The following NUP35 variants were observed in gnomAD, a reference collection of about 807,000 sequenced individuals.
NUP35 encodes nucleoporin NUP35.
In NUP35, 25 loss-of-function variants were observed where a neutral mutation model predicts 41.5. That is an observed-to-expected ratio of 0.60 (90% CI 0.44 to 0.84). The LOEUF (loss-of-function observed/expected upper bound fraction) is 0.84, where lower values mean the gene tolerates loss of function less well. Ranked by LOEUF, NUP35 falls within the 40% of genes least tolerant of loss-of-function variation. The pLI, the probability that NUP35 is intolerant of heterozygous loss-of-function variation, is 0.00. For missense variants in NUP35, 396 were observed against 396.6 expected (o/e 1.00, Z 0.01); for synonymous variants, 149 against 130.7 (o/e 1.14, Z -0.96).
intron 7 of NUP35, 124 bp downstream of exon 7, chr2:183,158,535 G>T: frequency 1.2e-6 from 1 of 857,388 alleles, no homozygotes; most frequent in Non-Finnish European, 1.7e-6. Context: ...TGTAAAATGT[G>T]ATGATGTTTA....
chr2:183,159,440 A>T, intron 7 of NUP35, 48 bp from the exon 8 acceptor site: 1 of 1,403,886 alleles, frequency 7.1e-7, no homozygotes, highest in Non-Finnish European at 9.9e-7. Flanking sequence ...ATACTGGATG[A>T]TATGTATTAT....
At chr2:183,133,664 G>C (rs750994494) in intron 4 of NUP35, 41 bp downstream of exon 4, 18 of 1,459,868 alleles carry the variant, frequency 1.2e-5, no homozygotes, top group Admixed American at 2.3e-5. Flanking sequence ...TTAAAAGACA[G>C]GGTCTGGCTC....
chr2:183,135,260 A>C (rs923233233), intron 4 of NUP35, among the ~76,000 whole-genome samples: 4 of 152,190 alleles, frequency 2.6e-5, no homozygotes, highest in African/African-American at 9.7e-5. Flanking sequence ...TCCACCTACC[A>C]CTGATAGTTA....
intron 1 of NUP35, among the ~76,000 whole-genome samples, chr2:183,118,176 G>A (rs573405285): frequency 1.2e-4 from 18 of 152,304 alleles, no homozygotes; most frequent in African/African-American, 4.3e-4. Flanking sequence ...GTCCTGGGAG[G>A]AAGGAATTCA....
At chr2:183,121,098 G>A (rs1700060529), upstream of NUP35, among the ~76,000 whole-genome samples, 1 of 152,052 alleles carries the variant, frequency 6.6e-6, no homozygotes, top group Non-Finnish European at 1.5e-5. Flanking sequence ...ATGAGAAATA[G>A]GAAGTGTAGC....
At chr2:183,125,229 A>G (rs1265023461) in intron 1 of NUP35, among the ~76,000 whole-genome samples, 1 of 150,692 alleles carries the variant, frequency 6.6e-6, no homozygotes, top group East Asian at 1.9e-4. Context: ...CCTCGTTGAA[A>G]TATGTCGTCT....
intron 5 of NUP35, 122 bp from the exon 6 acceptor site, chr2:183,157,322 C>T (rs1685699932): frequency 1.3e-6 from 1 of 761,934 alleles, no homozygotes; most frequent in Non-Finnish European, 2.3e-6. Context: ...GGATGATCAG[C>T]ACTCTCCTGT....
At chr2:183,120,700 T>A (rs889419285), upstream of NUP35, among the ~76,000 whole-genome samples, 1 of 152,212 alleles carries the variant, frequency 6.6e-6, no homozygotes, top group Non-Finnish European at 1.5e-5. Context: ...AGAAATCAAA[T>A]ACAAATCCAA....
At chr2:183,130,772 G>A (rs1220482273) in intron 3 of NUP35, among the ~76,000 whole-genome samples, 1 of 152,164 alleles carries the variant, frequency 6.6e-6, no homozygotes, top group Non-Finnish European at 1.5e-5. Context: ...ATTCTCAGGT[G>A]TTTATAGGTA....
intron 3 of NUP35, chr2:183,130,923 T>C: frequency 9.1e-7 from 1 of 1,096,148 alleles, no homozygotes; most frequent in Non-Finnish European, 1.1e-6. Context: ...AAATTTAGAG[T>C]TTCATCTAGA....
At chr2:183,123,908 A>T, upstream of NUP35, 1 of 722,738 alleles carries the variant, frequency 1.4e-6, no homozygotes, top group Non-Finnish European at 1.7e-6. Flanking sequence ...AATATGCAAC[A>T]AAACGGCGTA....
chr2:183,120,370 C>T (rs560126278), upstream of NUP35, among the ~76,000 whole-genome samples: 18 of 147,812 alleles, frequency 1.2e-4, no homozygotes, highest in Admixed American at 3.4e-4. Context: ...TTCTTGAACA[C>T]GGGAGGCAGA....
At chr2:183,121,212 A>C (rs1253325583), upstream of NUP35, among the ~76,000 whole-genome samples, 1 of 152,224 alleles carries the variant, frequency 6.6e-6, no homozygotes, top group African/African-American at 2.4e-5. Flanking sequence ...ATTAGAAAAA[A>C]AAAATAGTTG....
chr2:183,151,095 A>G (rs867502150), intron 4 of NUP35, among the ~76,000 whole-genome samples: 2 of 152,238 alleles, frequency 1.3e-5, no homozygotes, highest in Admixed American at 6.5e-5. Context: ...TTGCAACTGT[A>G]TAGCTGAGGC....
intron 1 of NUP35, among the ~76,000 whole-genome samples, chr2:183,128,069 C>A (rs1455588496): frequency 2.2e-5 from 3 of 136,960 alleles, no homozygotes; most frequent in Non-Finnish European, 4.7e-5. Flanking sequence ...GAGACTCGGA[C>A]TCAGAAAAAA....
rs1465958807 is a variant in NUP35, at chr2:183,143,336, G to A, written c.398-8172G>A. Reference sequence around the variant, plus strand: ...GGTGAGCAAATATTTATCAAATGAGGCACTAAAAGCTATTTGGAATAAGTG... The same window carrying A: ...GGTGAGCAAATATTTATCAAATGAGACACTAAAAGCTATTTGGAATAAGTG... On this transcript the variant is annotated intron_variant, in intron 4 of 8. Coordinates refer to ENST00000295119, the MANE Select transcript of NUP35 (RefSeq NM_138285.5). 2.6e-5 allele frequency among the ~76,000 whole-genome samples: 4 copies of A among 151,592 alleles called. No homozygotes were observed. In the East Asian group the frequency reaches 7.7e-4, roughly 29 times the overall value.
At chr2:183,146,492 A>G (rs1685281891) in intron 4 of NUP35, among the ~76,000 whole-genome samples, 1 of 152,234 alleles carries the variant, frequency 6.6e-6, no homozygotes, top group Admixed American at 6.5e-5. Flanking sequence ...TTTGAGTTCT[A>G]CAAATCTCCA....
chr2:183,151,655 G>T lies in NUP35; in HGVS notation c.539+6G>T, dbSNP rs771969124. The T allele has an allele frequency of 6.2e-7, 1 of 1,607,968 alleles. No individual in the cohort carries two copies. Among genetic ancestry groups the T allele is most frequent in the Non-Finnish European group, 8.5e-7 (1 of 1,178,250 alleles). ...TCTTGGGTGACTGTATTTGGGTAAG[G>T]TTTGCAGACCATTTGCCTTTTAAAA... On this transcript the variant is annotated splice_donor_region_variant and intron_variant, in intron 5 of 8. Transcript: ENST00000295119.
chr2:183,128,295 C>T lies in NUP35; in HGVS notation c.49C>T (p.Pro17Ser). 4 of 1,609,462 alleles carry T rather than the reference C, an allele frequency of 2.5e-6. No homozygotes were observed. The highest frequency in any genetic ancestry group is 3.4e-6 in the Non-Finnish European group (4 of 1,177,326). The change falls in exon 2 of 9, where the codon CCA becomes TCA. Residue 17 changes from proline to serine, a missense_variant. Coordinates refer to ENST00000295119, the MANE Select transcript of NUP35 (RefSeq NM_138285.5). ...EPQGPALGSE[P>S]MMLGSPTSPK... is the part of the protein sequence containing the mutation. ...TTTTTTGATTCATGTAGGATCTGAA[C>T]CAATGATGCTGGGTTCACCCACATC...
Sources: gnomAD v4.1 joint callset for allele counts (sites outside exome capture counted in the v4.1 genomes callset) on GRCh38, gnomAD v4.1.1 for gene constraint, MANE v1.5 for transcripts, NCBI Gene and HGNC (gene_info 2026-07-23, HGNC 2026-07-21) for gene names.